Variants in SLC7A2 observed in about 807,000 individuals in gnomAD.
SLC7A2 encodes the protein cationic amino acid transporter 2.
In SLC7A2, 48 loss-of-function variants were observed where a neutral mutation model predicts 58.9. The observed-to-expected ratio is 0.82, with a 90% CI of 0.65 to 1.04. SLC7A2 has a LOEUF of 1.04. Among genes scored for constraint, SLC7A2 ranks in the 50% least tolerant of loss-of-function variants. The pLI is 0.00. For synonymous variants in SLC7A2, 363 were observed against 314.5 expected (o/e 1.15, Z -1.63); for missense variants, 1,029 against 818.8 (o/e 1.26, Z -3.13).
chr8:17,544,754 A>G (rs752954210), intron 4 of SLC7A2, 148 bp downstream of exon 4: 246 of 681,032 alleles, frequency 3.6e-4, no homozygotes, highest in Middle Eastern at 1.2e-3. Context: ...TGTGGGGTTT[A>G]TCACTGGCTG....
intron 8 of SLC7A2, among the ~76,000 whole-genome samples, chr8:17,555,682 A>G (rs1434477730): frequency 2.6e-5 from 4 of 152,096 alleles, no homozygotes; most frequent in Non-Finnish European, 5.9e-5. Flanking sequence ...TATCCTCTCC[A>G]ACTCCATCAG....
intron 2 of SLC7A2, among the ~76,000 whole-genome samples, chr8:17,505,978 G>C (rs1332036842): frequency 6.6e-6 from 1 of 152,226 alleles, no homozygotes; most frequent in Non-Finnish European, 1.5e-5. Flanking sequence ...TTGAGACGAA[G>C]TGAGGAATTT....
At position 17,562,104 on chromosome 8, in the gene SLC7A2, C is replaced by T. The variant is rs747622081; in HGVS notation, c.1665C>T (p.Ala555=). 17 of 1,609,670 alleles carry T rather than the reference C, an allele frequency of 1.1e-5. No homozygotes were observed. The highest frequency in any genetic ancestry group is 1.4e-5 in the Non-Finnish European group (17 of 1,178,226). ...WRQPQNQQKV[A]FMVPFLPFLP... ...AGCCCCAGAATCAGCAAAAAGTAGCCTTCATGGTATGTGTAATGAGGATTA... is the reference window on the plus strand; with the variant it reads ...AGCCCCAGAATCAGCAAAAAGTAGCTTTCATGGTATGTGTAATGAGGATTA... Residue 555 remains alanine, a synonymous_variant, in exon 11 of 13, where the codon GCC becomes GCT. Coordinates refer to ENST00000494857, the MANE Select transcript of SLC7A2 (RefSeq NM_001370338.1).
intron 12 of SLC7A2, 60 bp downstream of exon 12, chr8:17,563,771 G>A (rs1585276681): frequency 7.6e-6 from 7 of 917,046 alleles, no homozygotes; most frequent in South Asian, 2.9e-5. Context: ...AGAGAAACAT[G>A]CCCTCTCCCC....
rs1288272854 is a variant in SLC7A2, at chr8:17,555,202, T to C, written c.1195+503T>C. On this transcript the variant is annotated intron_variant, in intron 8 of 12. Coordinates refer to ENST00000494857, the MANE Select transcript of SLC7A2 (RefSeq NM_001370338.1). ...AAGTTAAAAAAAACAAAATCACTGA[T>C]AAAAATTAGTATACAAGCATTGGGA... 4.8e-6 allele frequency: 4 copies of C among 828,872 alleles called. No individual in the cohort carries two copies. The African/African-American group carries it at 6.9e-5, about 14-fold the overall frequency. The allele number at this position is 828,872 out of a possible 1,614,324, so 51.3% of individuals were successfully genotyped here. A position where few individuals can be genotyped will look rare whatever the true frequency, so the allele number is the denominator to read the frequency against.
At chr8:17,526,035 C>T (rs1271987742) in intron 2 of SLC7A2, among the ~76,000 whole-genome samples, 2 of 152,012 alleles carry the variant, frequency 1.3e-5, no homozygotes, top group Non-Finnish European at 2.9e-5. Flanking sequence ...TTTTAAAAAG[C>T]AGATTTCTAA....
chr8:17,563,576 G>C (rs377739534), intron 11 of SLC7A2, 27 bp from the exon 12 acceptor site: 7 of 1,386,122 alleles, frequency 5.1e-6, no homozygotes, highest in African/African-American at 4.3e-5. Context: ...ATATGAGTAT[G>C]TTCAAAAGGA....
intron 2 of SLC7A2, among the ~76,000 whole-genome samples, chr8:17,536,417 G>C (rs919155025): frequency 1.3e-5 from 2 of 151,998 alleles, no homozygotes; most frequent in African/African-American, 4.8e-5. Flanking sequence ...ATACAAAAAA[G>C]AAAATAGCTG....
At chr8:17,494,744 C>T (rs190547397), upstream of SLC7A2, among the ~76,000 whole-genome samples, 11 of 152,282 alleles carry the variant, frequency 7.2e-5, no homozygotes, top group East Asian at 1.7e-3. Context: ...AGTTATGAGG[C>T]AGGATTCAGG....
chr8:17,557,570 C>A (rs1802765102), intron 8 of SLC7A2, among the ~76,000 whole-genome samples: 1 of 152,204 alleles, frequency 6.6e-6, no homozygotes, highest in Non-Finnish European at 1.5e-5. Context: ...GTGACTCACA[C>A]CTGTAATCCC....
At chr8:17,542,657 A>AAAAAAAAG (rs78569276) in intron 2 of SLC7A2, among the ~76,000 whole-genome samples, 3 of 150,052 alleles carry the variant, frequency 2.0e-5, no homozygotes, top group Admixed American at 6.6e-5. Flanking sequence ...TCTCAAAAAA[A>AAAAAAAAG]AAAGAAAAAG....
At chr8:17,504,232 C>G (rs1050882187) in intron 2 of SLC7A2, among the ~76,000 whole-genome samples, 2 of 152,172 alleles carry the variant, frequency 1.3e-5, no homozygotes, top group Non-Finnish European at 2.9e-5. Context: ...GTATTGGGCA[C>G]CAGCTGTGTG....
rs1802460953 is a variant in SLC7A2 at position 17,551,760 on chromosome 8, T to G, written c.833-4T>G. The G allele has an allele frequency of 6.2e-7, 1 of 1,607,214 alleles. No individual in the cohort carries two copies. Among genetic ancestry groups the G allele is most frequent in the Admixed American group, 1.7e-5 (1 of 60,006 alleles). On this transcript the variant is annotated splice_polypyrimidine_tract_variant and splice_region_variant and intron_variant, in intron 6 of 12. Transcript: ENST00000494857. ...ATACACATCTTTTGTTTATATTTCC[T>G]TAGGTGAAGAAGTTCGGAATCCCCA...
intron 2 of SLC7A2, among the ~76,000 whole-genome samples, chr8:17,527,086 A>G (rs918602564): frequency 6.6e-6 from 1 of 152,184 alleles, no homozygotes; most frequent in African/African-American, 2.4e-5. Context: ...TTGGATTAAC[A>G]TAGAAGACCT....
At chr8:17,529,615 C>G (rs760715817) in intron 2 of SLC7A2, among the ~76,000 whole-genome samples, 1 of 151,334 alleles carries the variant, frequency 6.6e-6, no homozygotes, top group Non-Finnish European at 1.5e-5. Flanking sequence ...ACTGCAACCT[C>G]TATCTACCTC....
At chr8:17,543,777 G>C in intron 3 of SLC7A2, 62 bp downstream of exon 3, 1 of 1,446,428 alleles carries the variant, frequency 6.9e-7, no homozygotes, top group Non-Finnish European at 9.3e-7. Context: ...CTGAGTCACA[G>C]CCCTTAGGTT....
chr8:17,499,576 T>G (rs1043951219), intron 1 of SLC7A2, among the ~76,000 whole-genome samples: 1 of 150,550 alleles, frequency 6.6e-6, no homozygotes, highest in Non-Finnish European at 1.5e-5. Flanking sequence ...TTAAAGACTC[T>G]TATAGACTAC....
intron 2 of SLC7A2, among the ~76,000 whole-genome samples, chr8:17,537,449 C>T (rs1055678070): frequency 6.6e-6 from 1 of 152,104 alleles, no homozygotes; most frequent in Non-Finnish European, 1.5e-5. Flanking sequence ...ACCATTTGAC[C>T]GACCTAATCA....
chr8:17,533,316 T>C (rs1013265923), intron 2 of SLC7A2, among the ~76,000 whole-genome samples: 1 of 152,230 alleles, frequency 6.6e-6, no homozygotes, highest in Non-Finnish European at 1.5e-5. Context: ...CAAAATATAG[T>C]TTCAAAAGTG....
Sources: gnomAD v4.1 joint callset for allele counts (sites outside exome capture counted in the v4.1 genomes callset) on GRCh38, gnomAD v4.1.1 for gene constraint, MANE v1.5 for transcripts, NCBI Gene and HGNC (gene_info 2026-07-23, HGNC 2026-07-21) for gene names.